Variants in DCAF6 observed in about 807,000 individuals in gnomAD.
The protein encoded by DCAF6 is DDB1 and CUL4 associated factor 6, also known as DDB1- and CUL4-associated factor 6.
Under a neutral mutation model 125.1 loss-of-function variants are expected in DCAF6, and 54 were observed. The observed-to-expected ratio is 0.43, with a 90% CI of 0.35 to 0.54. The LOEUF is 0.54. DCAF6 is among the 20% of genes least tolerant of loss of function. The pLI, the probability that DCAF6 is intolerant of heterozygous loss-of-function variation, is 0.01. For synonymous variants in DCAF6, 371 were observed against 390.4 expected (o/e 0.95, Z 0.58); for missense variants, 934 against 1,161.7 (o/e 0.80, Z 2.85).
intron 21 of DCAF6, among the ~76,000 whole-genome samples, chr1:168,069,951 C>T (rs1481159390): frequency 5.3e-5 from 8 of 152,042 alleles, no homozygotes; most frequent in Admixed American, 2.6e-4. Flanking sequence ...ACAAGAAAAA[C>T]GTTTACTGGT....
the DCAF6 span, chr1:167,870,432 A>C: frequency 6.3e-7 from 1 of 1,586,658 alleles, no homozygotes; most frequent in South Asian, 1.1e-5. Context: ...AGTTTTAAAA[A>C]AGAGCAAACT....
At chr1:167,877,773 T>C in the DCAF6 span, among the ~76,000 whole-genome samples, 2 of 152,102 alleles carry the variant, frequency 1.3e-5, no homozygotes, top group African/African-American at 4.8e-5. Context: ...TAGAGGAATG[T>C]CTATGAATCC....
intron 2 of DCAF6, among the ~76,000 whole-genome samples, chr1:167,957,422 A>G (rs1043340310): frequency 1.3e-5 from 2 of 152,138 alleles, no homozygotes; most frequent in African/African-American, 2.4e-5. Flanking sequence ...ATGTTGTAGT[A>G]TGTGTCAGTA....
intron 12 of DCAF6, among the ~76,000 whole-genome samples, chr1:168,032,432 A>G (rs1296730664): frequency 6.6e-6 from 1 of 152,254 alleles, no homozygotes; most frequent in African/African-American, 2.4e-5. Flanking sequence ...TCTACAAAAA[A>G]GTTGTGGATT....
At chr1:168,072,246 G>C (rs529059473) in intron 21 of DCAF6, among the ~76,000 whole-genome samples, 1 of 128,840 alleles carries the variant, frequency 7.8e-6, no homozygotes, top group Non-Finnish European at 1.6e-5. Flanking sequence ...GTAGTGAGCC[G>C]AGATCGCACC....
At chr1:167,884,584 C>CT in the DCAF6 span, among the ~76,000 whole-genome samples, 7 of 152,028 alleles carry the variant, frequency 4.6e-5, no homozygotes, top group African/African-American at 1.7e-4. Context: ...CATTCTTTCT[C>CT]TTTTTTTGTA....
At chr1:168,004,085 T>G in intron 9 of DCAF6, 96 bp downstream of exon 9, 4 of 1,388,488 alleles carry the variant, frequency 2.9e-6, no homozygotes, top group Non-Finnish European at 3.9e-6. Flanking sequence ...TACCATGTTT[T>G]ACATCTGTAA....
At chr1:167,988,874 T>G (rs945155368) in intron 5 of DCAF6, among the ~76,000 whole-genome samples, 1 of 151,588 alleles carries the variant, frequency 6.6e-6, no homozygotes, top group Non-Finnish European at 1.5e-5. Context: ...AGGTCAGGAG[T>G]TGGAGACCAG....
chr1:167,870,526 C>G, the DCAF6 span: 17 of 918,682 alleles, frequency 1.9e-5, 1 homozygote, highest in South Asian at 5.9e-5. Context: ...GGCGCTGTGG[C>G]TCACTCCTGT....
intron 3 of DCAF6, among the ~76,000 whole-genome samples, chr1:167,971,143 G>A (rs936283940): frequency 2.0e-5 from 3 of 151,948 alleles, no homozygotes; most frequent in Admixed American, 2.0e-4. Context: ...CTGCTTTCTC[G>A]GGTATCTCCC....
chr1:167,987,564 G>C lies in DCAF6; in HGVS notation c.508G>C (p.Asp170His). 1 of 1,607,802 alleles carries C rather than the reference G, an allele frequency of 6.2e-7. No homozygotes were observed. Among genetic ancestry groups the C allele is most frequent in the East Asian group, 2.2e-5 (1 of 44,738 alleles). The change falls in exon 5 of 22, where the codon GAT (aspartate) becomes CAT (histidine). Residue 170 changes from aspartate to histidine, a missense_variant. By Grantham distance (81) the Asp-to-His change is moderately conservative. Coordinates refer to ENST00000367840, the MANE Select transcript of DCAF6 (RefSeq NM_001198956.2). ...CGEDGTVRWF[D>H]TRIKTSCTKE... Reference sequence around the variant, plus strand: ...TGAAGATGGAACTGTTAGGTGGTTTGATACACGCATCAAAACTAGCTGCAC... The same window carrying C: ...TGAAGATGGAACTGTTAGGTGGTTTCATACACGCATCAAAACTAGCTGCAC...
At chr1:168,022,470 T>G (rs1685785457) in intron 11 of DCAF6, among the ~76,000 whole-genome samples, 1 of 152,222 alleles carries the variant, frequency 6.6e-6, no homozygotes, top group South Asian at 2.1e-4. Flanking sequence ...GTAATGATAA[T>G]TACCTCATTG....
intron 14 of DCAF6, 81 bp from the exon 15 acceptor site, chr1:168,044,504 G>A: frequency 2.3e-6 from 2 of 885,802 alleles, no homozygotes; most frequent in Non-Finnish European, 3.8e-6. Context: ...TTGAGGAGCT[G>A]CAGATTTTGG....
At chr1:168,068,841 G>T (rs1316575459) in intron 21 of DCAF6, among the ~76,000 whole-genome samples, 5 of 152,064 alleles carry the variant, frequency 3.3e-5, no homozygotes, top group Admixed American at 2.6e-4. Flanking sequence ...ACCTCAGTTT[G>T]CTTTTTGAAT....
chr1:167,883,613 G>A, the DCAF6 span: 1 of 1,614,228 alleles, frequency 6.2e-7, no homozygotes, highest in Non-Finnish European at 8.5e-7. Context: ...TAGCCCTGAA[G>A]CTGTTTGTTA....
intron 4 of DCAF6, among the ~76,000 whole-genome samples, chr1:167,976,577 G>C (rs1678214475): frequency 2.0e-5 from 3 of 152,106 alleles, no homozygotes. Context: ...ATTCATTTTT[G>C]TTATTCTGGA....
chr1:167,966,096 C>T (rs1195489220), intron 2 of DCAF6, among the ~76,000 whole-genome samples: 1 of 152,170 alleles, frequency 6.6e-6, no homozygotes, highest in Non-Finnish European at 1.5e-5. Flanking sequence ...ACCTGTTCAT[C>T]TCTGCAATCT....
chr1:167,904,081 G>GATTT, the DCAF6 span: 1 of 501,784 alleles, frequency 2.0e-6, no homozygotes, highest in Non-Finnish European at 3.4e-6. Context: ...GCGGGCCTCA[G>GATTT]CTTTTTTTTT....
intron 9 of DCAF6, 94 bp from the exon 10 acceptor site, chr1:168,004,439 T>TA (rs1683068034): frequency 3.1e-6 from 4 of 1,281,934 alleles, no homozygotes; most frequent in Non-Finnish European, 3.3e-6. Context: ...TTTGTGTGTG[T>TA]AAATATAAAT....
Sources: gnomAD v4.1 joint callset for allele counts (sites outside exome capture counted in the v4.1 genomes callset) on GRCh38, gnomAD v4.1.1 for gene constraint, MANE v1.5 for transcripts, NCBI Gene and HGNC (gene_info 2026-07-23, HGNC 2026-07-21) for gene names.